The following NEMP1 variants were observed in gnomAD, a reference collection of about 807,000 sequenced individuals.
The protein encoded by NEMP1 is nuclear envelope integral membrane protein 1.
Under a neutral mutation model 53.7 loss-of-function variants are expected in NEMP1, and 29 were observed. The ratio of observed to expected loss-of-function variants is 0.54; its 90% CI spans 0.40 to 0.74. NEMP1 has a LOEUF of 0.74. Ranked by LOEUF, NEMP1 falls within the 30% of genes least tolerant of loss-of-function variation. The pLI is 0.00. For missense variants in NEMP1, 477 were observed against 528.6 expected (o/e 0.90, Z 0.96); for synonymous variants, 193 against 192.9 (o/e 1.00, Z 0.00).
rs1002541427 is a variant in NEMP1 at position 57,068,010 on chromosome 12, A to G, written c.545+1224T>C. Among the ~76,000 whole-genome samples, 5 of 152,104 alleles carry G rather than the reference A, an allele frequency of 3.3e-5. No individual in the cohort carries two copies. The East Asian group carries it at 9.6e-4, about 29-fold the overall frequency. On this transcript the variant is annotated intron_variant, in intron 4 of 8. Transcript: ENST00000300128. ...GGTCTCAAACTCTTGGGCTCAAGTT[A>G]TCCTCCCCCTTCAGCCTCCCAAAGT...
intron 1 of NEMP1, among the ~76,000 whole-genome samples, chr12:57,073,878 A>G (rs2032472316): frequency 6.6e-6 from 1 of 152,226 alleles, no homozygotes; most frequent in Non-Finnish European, 1.5e-5. Context: ...TTCCTGTCCT[A>G]TAAAGGAATA....
chr12:57,071,489 T>C (rs1052713689), intron 2 of NEMP1, among the ~76,000 whole-genome samples: 1 of 152,112 alleles, frequency 6.6e-6, no homozygotes, highest in African/African-American at 2.4e-5. Context: ...GCGATTCTTC[T>C]GCCTCAGCCT....
At chr12:57,087,215 C>G (rs993280484) in intron 1 of NEMP1, among the ~76,000 whole-genome samples, 1 of 152,228 alleles carries the variant, frequency 6.6e-6, no homozygotes, top group African/African-American at 2.4e-5. Context: ...AGTAGGTTGC[C>G]GCTCACTTGC....
rs1372778780 is a variant in NEMP1 at position 57,069,224 on chromosome 12, T to C, written c.545+10A>G. On this transcript the variant is annotated intron_variant, in intron 4 of 8. Coordinates refer to ENST00000300128, the MANE Select transcript of NEMP1 (RefSeq NM_001130963.2). Reference sequence around the variant, plus strand: ...GCCGTTTCATTCTGCACACTAGCCTTGGAACCTACCTGCTCAGCAAGTCTC... The same window carrying C: ...GCCGTTTCATTCTGCACACTAGCCTCGGAACCTACCTGCTCAGCAAGTCTC... The C allele has an allele frequency of 5.2e-6, 8 of 1,539,346 alleles. No individual in the cohort carries two copies. The Admixed American group carries it at 1.5e-4, about 28-fold the overall frequency.
chr12:57,086,716 G>A (rs2033005937), intron 1 of NEMP1, among the ~76,000 whole-genome samples: 2 of 152,104 alleles, frequency 1.3e-5, no homozygotes, highest in African/African-American at 4.8e-5. Flanking sequence ...AGCTCTGGCT[G>A]CGGGCTGCGG....
intron 5 of NEMP1, 116 bp downstream of exon 5, chr12:57,064,530 G>A (rs924369578): frequency 2.0e-5 from 14 of 697,664 alleles, no homozygotes; most frequent in Non-Finnish European, 3.1e-5. Flanking sequence ...AAGGAGAGTA[G>A]GATATTGACT....
chr12:57,078,406 A>C (rs1432020409), intron 1 of NEMP1, among the ~76,000 whole-genome samples: 1 of 150,938 alleles, frequency 6.6e-6, no homozygotes, highest in Admixed American at 6.6e-5. Context: ...GCTCCTCCCC[A>C]CTCTGGAAGC....
chr12:57,081,735 G>A (rs543953898), upstream of NEMP1, among the ~76,000 whole-genome samples: 7 of 149,410 alleles, frequency 4.7e-5, no homozygotes, highest in Admixed American at 1.3e-4. Flanking sequence ...GTGAAACCCC[G>A]TCTCTACTAA....
chr12:57,071,961 A>C (rs1410121428), intron 2 of NEMP1, among the ~76,000 whole-genome samples: 1 of 152,236 alleles, frequency 6.6e-6, no homozygotes, highest in Non-Finnish European at 1.5e-5. Flanking sequence ...TTACAGCCAG[A>C]CATTCCTGTT....
intron 4 of NEMP1, 58 bp from the exon 5 acceptor site, chr12:57,064,797 T>C (rs2031993490): frequency 1.5e-6 from 2 of 1,302,806 alleles, no homozygotes; most frequent in African/African-American, 3.0e-5. Flanking sequence ...ATAGCACTGT[T>C]GAAACTAGGA....
chr12:57,071,871 GAAC>G (rs1389052724), intron 2 of NEMP1, among the ~76,000 whole-genome samples: 2 of 151,600 alleles, frequency 1.3e-5, no homozygotes, highest in African/African-American at 2.4e-5. Context: ...TTTTTGATGT[GAAC>G]AACAAATGTC....
rs2031546686 is a variant in NEMP1, at chr12:57,056,829, C to T, written c.*3050G>A. On this transcript the variant is annotated 3_prime_UTR_variant, in exon 9 of 9. Transcript: ENST00000300128. ...ACATGCCAAGGGTTAAAGGGAACAC[C>T]ATCAGTCAAGAGACGGCTGGGCCCT... 6.6e-6 allele frequency: 1 copy of T among 152,162 alleles called. No homozygotes were observed. The highest frequency in any genetic ancestry group is 6.5e-5 in the Admixed American group (1 of 15,280). The allele number at this position is 152,162 out of a possible 1,614,324, so 9.4% of individuals were successfully genotyped here. A position where few individuals can be genotyped will look rare whatever the true frequency, so the allele number is the denominator to read the frequency against.
chr12:57,086,411 C>G (rs2032993644), intron 1 of NEMP1, among the ~76,000 whole-genome samples: 1 of 152,138 alleles, frequency 6.6e-6, no homozygotes, highest in South Asian at 2.1e-4. Flanking sequence ...GCAGGTGAGT[C>G]AGGCACAGAA....
intron 1 of NEMP1, among the ~76,000 whole-genome samples, chr12:57,073,956 GTTT>G (rs1222584145): frequency 6.6e-6 from 1 of 151,616 alleles, no homozygotes; most frequent in Non-Finnish European, 1.5e-5. Context: ...GAATTGGCAG[GTTT>G]TTTATTTTAT....
At chr12:57,075,200 C>A (rs957634740) in intron 1 of NEMP1, among the ~76,000 whole-genome samples, 4 of 151,486 alleles carry the variant, frequency 2.6e-5, no homozygotes, top group Non-Finnish European at 4.4e-5. Context: ...TCCTGGCTAA[C>A]AAGGTGAAAC....
chr12:57,085,118 C>T (rs1400470268), intron 1 of NEMP1, among the ~76,000 whole-genome samples: 1 of 152,210 alleles, frequency 6.6e-6, no homozygotes, highest in Non-Finnish European at 1.5e-5. Flanking sequence ...ACCTCCACCT[C>T]CATGGAAATG....
chr12:57,088,243 T>C (rs2033074268), upstream of NEMP1, among the ~76,000 whole-genome samples: 1 of 152,186 alleles, frequency 6.6e-6, no homozygotes, highest in African/African-American at 2.4e-5. Flanking sequence ...CCGACGCGTC[T>C]AATCAACACG....
chr12:57,060,731 A>G (rs1331720694), intron 8 of NEMP1, 41 bp downstream of exon 8: 3 of 1,583,060 alleles, frequency 1.9e-6, no homozygotes, highest in Middle Eastern at 1.7e-4. Flanking sequence ...TCAAGGTCAC[A>G]ATTACCCTGA....
intron 4 of NEMP1, among the ~76,000 whole-genome samples, chr12:57,066,935 T>G (rs2032110951): frequency 6.6e-6 from 1 of 152,232 alleles, no homozygotes; most frequent in Non-Finnish European, 1.5e-5. Flanking sequence ...TCTGCCATGA[T>G]TATGAGGCCT....
Sources: allele counts gnomAD v4.1 joint callset (sites outside exome capture counted in the v4.1 genomes callset), GRCh38; gene constraint gnomAD v4.1.1; transcripts MANE v1.5; gene names NCBI Gene and HGNC (gene_info 2026-07-23, HGNC 2026-07-21).